MYH3: variants seen among roughly 807,000 people sequenced by gnomAD.
MYH3 encodes the protein myosin heavy chain 3.
In MYH3, 130 loss-of-function variants were observed where a neutral mutation model predicts 238.0. That is an observed-to-expected ratio of 0.55 (90% CI 0.47 to 0.63). MYH3 has a LOEUF of 0.63. MYH3 is among the 30% of genes least tolerant of loss of function. MYH3 has a pLI of 0.00. For synonymous variants in MYH3, 880 were observed against 924.1 expected, an observed-to-expected ratio of 0.95 and a Z score of 0.86; for missense variants, 1,853 against 2,374.9, an observed-to-expected ratio of 0.78 and a Z score of 4.57.
At chr17:10,629,787 T>G in intron 39 of MYH3, 53 bp from the exon 40 acceptor site, 1 of 1,614,130 alleles carries the variant, frequency 6.2e-7, no homozygotes, top group Non-Finnish European at 8.5e-7. Context: ...CTCTCAGAAC[T>G]CACCACGGGA....
intron 12 of MYH3, among the ~76,000 whole-genome samples, 189 bp from the exon 13 acceptor site, chr17:10,644,891 G>T (rs1480231013): frequency 6.6e-6 from 1 of 152,206 alleles, no homozygotes; most frequent in Non-Finnish European, 1.5e-5. Context: ...AGCCAGGGCT[G>T]GGTCTCAGAA....
Position 10,645,925 on chromosome 17 carries a change from T to C in MYH3, c.1002+4A>G. ...CACCCACCCCTTCTGTTGGTTCCACTTACGTCTGTAGCCAGCAGCTCCTCT... is the reference window on the plus strand; with the variant it reads ...CACCCACCCCTTCTGTTGGTTCCACCTACGTCTGTAGCCAGCAGCTCCTCT... On this transcript the variant is annotated splice_donor_region_variant and intron_variant, in intron 11 of 40. Transcript: ENST00000583535. 3 of 1,613,896 alleles carry C rather than the reference T, an allele frequency of 1.9e-6. No individual in the cohort carries two copies. The highest frequency in any genetic ancestry group is 2.5e-6 in the Non-Finnish European group (3 of 1,179,862).
Position 10,634,032 on chromosome 17 carries a change from T to A in MYH3, c.4507A>T (p.Asn1503Tyr). Residue 1503 changes from asparagine to tyrosine, a missense_variant, in exon 32 of 41, where the codon AAT becomes TAT. Asn to Tyr is a moderately radical substitution (Grantham distance 143, BLOSUM62 -2). This residue lies in a region of MYH3 where 1,044 missense variants were observed against 1,192.6 expected (regional missense o/e 0.88). Transcript: ENST00000583535. ...LDQLETVKRENKNLEQEIADL... is the reference protein window; with the variant it reads ...LDQLETVKREYKNLEQEIADL... ...AATAGCTTACGCTCTAAGTTCTTAT[T>A]TTCCCGTTTCACAGTTTCAAGTTGA... 1 of 1,614,168 alleles carries A rather than the reference T, an allele frequency of 6.2e-7. No individual in the cohort carries two copies. The highest frequency in any genetic ancestry group is 8.5e-7 in the Non-Finnish European group (1 of 1,180,042).
At chr17:10,649,798 T>A in intron 6 of MYH3, 113 bp from the exon 7 acceptor site, 1 of 925,566 alleles carries the variant, frequency 1.1e-6, no homozygotes, top group Non-Finnish European at 1.8e-6. Flanking sequence ...TGACACACAC[T>A]CACCACACTA....
At chr17:10,643,062 T>G (rs1597488364) in intron 14 of MYH3, 66 bp from the exon 15 acceptor site, 1 of 1,613,138 alleles carries the variant, frequency 6.2e-7, no homozygotes, top group South Asian at 1.1e-5. Flanking sequence ...ACTGTCAACA[T>G]TCCTCCTCAT....
chr17:10,641,837 A>G (rs1481885978), intron 17 of MYH3, among the ~76,000 whole-genome samples: 1 of 152,144 alleles, frequency 6.6e-6, no homozygotes. Flanking sequence ...CAATGGTCCT[A>G]TGGCTGGAGG....
At position 10,632,732 on chromosome 17, in the gene MYH3, G is replaced by A. The variant is rs2142384542; in HGVS notation, c.4700C>T (p.Thr1567Ile). Reference protein sequence around the residue: ...AKILRIQLELTQVKSEIDRKI... With the variant: ...AKILRIQLELIQVKSEIDRKI... ...TCTATCAATTTCTGATTTCACTTGT[G>A]TCAATTCAAGCTGGATTCGGAGGAT... The change falls in exon 34 of 41, where the codon ACA (threonine) becomes ATA (isoleucine). Residue 1567 changes from threonine to isoleucine, a missense_variant. By Grantham distance (89) the Thr-to-Ile change is moderately conservative. Transcript: ENST00000583535. The A allele has an allele frequency of 6.2e-7, 1 of 1,614,146 alleles. No individual in the cohort carries two copies. Among genetic ancestry groups the A allele is most frequent in the East Asian group, 2.2e-5 (1 of 44,884 alleles).
chr17:10,650,448 G>A, intron 5 of MYH3, 47 bp from the exon 6 acceptor site: 1 of 1,558,974 alleles, frequency 6.4e-7, no homozygotes, highest in Non-Finnish European at 8.8e-7. Context: ...TAGAAAAAGA[G>A]CTTCCCGATT....
At chr17:10,656,405 C>CAGAT (rs1442517235) in intron 1 of MYH3, among the ~76,000 whole-genome samples, 1 of 152,110 alleles carries the variant, frequency 6.6e-6, no homozygotes, top group Admixed American at 6.5e-5. Context: ...GGCGTGGCGG[C>CAGAT]AGATGCCTGT....
rs757617277 is a variant in MYH3 at position 10,642,404 on chromosome 17, G to GA, written c.1888+12_1888+13insT. On this transcript the variant is annotated intron_variant, in intron 16 of 40. Transcript: ENST00000583535. The surrounding 1 kb of genome is among the most constrained non-coding windows in gnomAD (Gnocchi z 5.4). ...TGGAGGGAAATCACATGGACACAAAGCACTCCTCTTACCATCCGCCGTGGC... is the reference window on the plus strand; with the variant it reads ...TGGAGGGAAATCACATGGACACAAAGACACTCCTCTTACCATCCGCCGTGGC... 2 of 1,614,148 alleles carry GA rather than the reference G, an allele frequency of 1.2e-6. No homozygotes were observed. Among genetic ancestry groups the GA allele is most frequent in the Non-Finnish European group, 1.7e-6 (2 of 1,180,008 alleles).
intron 4 of MYH3, chr17:10,652,099 T>G: frequency 2.4e-6 from 1 of 425,244 alleles, no homozygotes; most frequent in East Asian, 5.2e-5. Context: ...GAGGCTACCA[T>G]TCCTATTTAT....
the MYH3 span, among the ~76,000 whole-genome samples, chr17:10,666,109 G>T: frequency 6.6e-6 from 1 of 151,986 alleles, no homozygotes; most frequent in Non-Finnish European, 1.5e-5. Flanking sequence ...ATAACAAATA[G>T]ATCAAATCAA....
At chr17:10,648,115 G>C (rs996849347) in intron 8 of MYH3, among the ~76,000 whole-genome samples, 3 of 152,090 alleles carry the variant, frequency 2.0e-5, no homozygotes, top group African/African-American at 7.2e-5. Context: ...CACATGACCA[G>C]GTCTCTCTCT....
chr17:10,659,501 A>G (rs1459166782), upstream of MYH3, among the ~76,000 whole-genome samples: 2 of 152,156 alleles, frequency 1.3e-5, no homozygotes, highest in Non-Finnish European at 2.9e-5. Flanking sequence ...TTTATTTTTC[A>G]GTAATATAGA....
chr17:10,641,010 C>T (rs762136482), intron 19 of MYH3, 75 bp downstream of exon 19: 47 of 1,208,392 alleles, frequency 3.9e-5, no homozygotes, highest in Non-Finnish European at 4.7e-5. Context: ...TCTTTTCATA[C>T]GAATCTTTCT....
At chr17:10,648,739 G>T (rs1302257976) in intron 7 of MYH3, 90 bp from the exon 8 acceptor site, 2 of 1,154,152 alleles carry the variant, frequency 1.7e-6, no homozygotes, top group African/African-American at 1.5e-5. Context: ...GCAATGGCAC[G>T]ATCTTGGCTT....
At chr17:10,641,436 T>A in intron 17 of MYH3, 64 bp from the exon 18 acceptor site, 1 of 1,178,936 alleles carries the variant, frequency 8.5e-7, no homozygotes, top group Middle Eastern at 2.2e-4. Flanking sequence ...CAGAGATCCA[T>A]TGTAATGAAA....
Position 10,638,032 on chromosome 17 carries a change from C to CCA in MYH3, c.3729+10_3729+11insTG. ...TGGAAAGCCTTGAGCCACCCCCACCCCGCGCAGCACCTTAGATTTCGACAC... is the reference window on the plus strand; with the variant it reads ...TGGAAAGCCTTGAGCCACCCCCACCCCACGCGCAGCACCTTAGATTTCGACAC... On this transcript the variant is annotated intron_variant, in intron 27 of 40. Coordinates refer to ENST00000583535, the MANE Select transcript of MYH3 (RefSeq NM_002470.4). 1 of 1,614,016 alleles carries CCA rather than the reference C, an allele frequency of 6.2e-7. No homozygotes were observed. The highest frequency in any genetic ancestry group is 8.5e-7 in the Non-Finnish European group (1 of 1,180,006).
At chr17:10,661,546 C>T (rs2074480379), upstream of MYH3, among the ~76,000 whole-genome samples, 1 of 152,088 alleles carries the variant, frequency 6.6e-6, no homozygotes, top group Non-Finnish European at 1.5e-5. Context: ...TGCATTTATC[C>T]CTTGATGGGC....
Sources: allele counts gnomAD v4.1 joint callset (sites outside exome capture counted in the v4.1 genomes callset), GRCh38; gene constraint gnomAD v4.1.1; regional missense constraint gnomAD v4.1.1; non-coding constraint Gnocchi (gnomAD v3.1); transcripts MANE v1.5; gene names NCBI Gene and HGNC (gene_info 2026-07-23, HGNC 2026-07-21).